Variants in SCFD2 observed in about 807,000 individuals in gnomAD.
SCFD2 encodes the protein sec1 family domain containing 2, also known as sec1 family domain-containing protein 2.
SCFD2 carries 54 observed loss-of-function variants against 58.9 expected under a neutral mutation model. The ratio of observed to expected loss-of-function variants is 0.92; its 90% CI spans 0.74 to 1.15. SCFD2 has a LOEUF of 1.15. SCFD2 is among the 50% of genes most tolerant of loss of function. The pLI, the probability that SCFD2 is intolerant of heterozygous loss-of-function variation, is 0.00. For missense variants in SCFD2, 805 were observed against 836.6 expected, an observed-to-expected ratio of 0.96 and a Z score of 0.47; for synonymous variants, 321 against 335.9, an observed-to-expected ratio of 0.96 and a Z score of 0.49.
At chr4:52,904,280 G>A (rs1180090822) in intron 7 of SCFD2, among the ~76,000 whole-genome samples, 2 of 152,212 alleles carry the variant, frequency 1.3e-5, no homozygotes, top group African/African-American at 2.4e-5. Flanking sequence ...CTGAGCACAG[G>A]AAGGATTCCG....
chr4:52,951,096 C>T (rs1477733861), intron 5 of SCFD2: 2 of 152,128 alleles, frequency 1.3e-5, no homozygotes, highest in Non-Finnish European at 2.9e-5. Flanking sequence ...AAAATCAACC[C>T]ATAATAGATG....
intron 4 of SCFD2, among the ~76,000 whole-genome samples, chr4:53,215,751 T>A (rs1728803591): frequency 1.3e-5 from 2 of 152,180 alleles, no homozygotes; most frequent in Admixed American, 6.5e-5. Context: ...CTTCCAGTTT[T>A]TGCCCATTCA....
chr4:53,244,197 A>G (rs1283666076), intron 4 of SCFD2, among the ~76,000 whole-genome samples: 1 of 152,110 alleles, frequency 6.6e-6, no homozygotes, highest in Non-Finnish European at 1.5e-5. Context: ...GAAATTAACA[A>G]AGATATTCAG....
rs964227664 is a variant in SCFD2, at chr4:53,177,526, T to A, written c.1312-31944A>T. ...AACAATAAGAAATGAAAAGGAGGACTGGGAGAGGAGCCAAGATGGTCGAAT... is the reference window on the plus strand; with the variant it reads ...AACAATAAGAAATGAAAAGGAGGACAGGGAGAGGAGCCAAGATGGTCGAAT... On this transcript the variant is annotated intron_variant, in intron 4 of 8. Transcript: ENST00000401642. Among the ~76,000 whole-genome samples the A allele has an allele frequency of 2.0e-5, 3 of 152,084 alleles. No homozygotes were observed. In the East Asian group the frequency reaches 5.8e-4, roughly 29 times the overall value.
rs1421668014 is a variant in SCFD2, at chr4:52,873,066, G to A, written c.*903C>T. On this transcript the variant is annotated 3_prime_UTR_variant, in exon 9 of 9. Transcript: ENST00000401642. ...CCTACAAACATGTGGGTTGCAAGTG[G>A]TTCGTTTTTGCCCTGGAGTTCTTAC... is the stretch of plus-strand genomic sequence containing the variant. 6.6e-6 allele frequency: 1 copy of A among 152,208 alleles called. No homozygotes were observed. Among genetic ancestry groups the A allele is most frequent in the Admixed American group, 6.5e-5 (1 of 15,282 alleles). 9.4% of individuals were successfully genotyped at this position (152,208 alleles called of 1,614,324 possible).
At chr4:53,039,986 G>A (rs73141448) in intron 5 of SCFD2, among the ~76,000 whole-genome samples, 3 of 152,100 alleles carry the variant, frequency 2.0e-5, no homozygotes, top group Non-Finnish European at 4.4e-5. Context: ...TCTTGAACTG[G>A]TAATTACATG....
At chr4:53,056,318 G>A (rs567734227) in intron 5 of SCFD2, among the ~76,000 whole-genome samples, 164 of 152,222 alleles carry the variant, frequency 1.1e-3, no homozygotes, top group African/African-American at 3.7e-3. Flanking sequence ...GGACCCGGGG[G>A]AATGTCCATT....
intron 5 of SCFD2, among the ~76,000 whole-genome samples, chr4:53,058,214 T>G (rs1193458927): frequency 6.6e-6 from 1 of 152,176 alleles, no homozygotes; most frequent in Non-Finnish European, 1.5e-5. Flanking sequence ...GAGATTATTA[T>G]TAATGTTTTG....
At chr4:52,969,536 G>C (rs1442100138) in intron 5 of SCFD2, among the ~76,000 whole-genome samples, 1 of 152,184 alleles carries the variant, frequency 6.6e-6, no homozygotes, top group African/African-American at 2.4e-5. Context: ...AAGTTGGCTT[G>C]GCCATGTGAT....
chr4:53,167,214 G>C (rs1161014259), intron 4 of SCFD2, among the ~76,000 whole-genome samples: 1 of 152,142 alleles, frequency 6.6e-6, no homozygotes, highest in Non-Finnish European at 1.5e-5. Context: ...AGACACAGAT[G>C]CTCCCTACTG....
intron 4 of SCFD2, among the ~76,000 whole-genome samples, chr4:53,261,641 CATAT>C (rs1730832125): frequency 6.6e-6 from 1 of 152,088 alleles, no homozygotes; most frequent in Non-Finnish European, 1.5e-5. Flanking sequence ...TGTGGCCTAT[CATAT>C]AGTCTATCTT....
chr4:53,332,082 A>G (rs1733495840), intron 2 of SCFD2, among the ~76,000 whole-genome samples: 1 of 152,072 alleles, frequency 6.6e-6, no homozygotes, highest in Non-Finnish European at 1.5e-5. Context: ...CAATAACCGG[A>G]GCTGAAATTG....
intron 3 of SCFD2, among the ~76,000 whole-genome samples, chr4:53,291,666 A>G (rs1731844101): frequency 6.6e-6 from 1 of 152,164 alleles, no homozygotes; most frequent in Non-Finnish European, 1.5e-5. Flanking sequence ...GAGCCCATAT[A>G]GCCAAGACAA....
chr4:52,971,795 C>CCAT (rs1486591721), intron 5 of SCFD2, among the ~76,000 whole-genome samples: 1 of 152,104 alleles, frequency 6.6e-6, no homozygotes, highest in African/African-American at 2.4e-5. Flanking sequence ...AAAGGGAAGC[C>CCAT]CATCAGACTA....
intron 5 of SCFD2, among the ~76,000 whole-genome samples, chr4:52,941,856 T>C (rs1166275912): frequency 6.6e-6 from 1 of 152,196 alleles, no homozygotes; most frequent in African/African-American, 2.4e-5. Context: ...TAAGATGTTT[T>C]GATTTGGGTT....
intron 1 of SCFD2, among the ~76,000 whole-genome samples, chr4:53,360,103 C>T (rs1212107725): frequency 2.0e-5 from 3 of 152,210 alleles, no homozygotes; most frequent in Non-Finnish European, 4.4e-5. Context: ...CTCACTAATA[C>T]AGAAGTACTT....
At chr4:53,185,257 T>C (rs1262334542) in intron 4 of SCFD2, among the ~76,000 whole-genome samples, 2 of 152,098 alleles carry the variant, frequency 1.3e-5, no homozygotes. Context: ...CCTTAGGTTG[T>C]AGTAAACCAT....
At chr4:52,874,833 T>G (rs1718434449) in intron 8 of SCFD2, among the ~76,000 whole-genome samples, 1 of 152,154 alleles carries the variant, frequency 6.6e-6, no homozygotes, top group African/African-American at 2.4e-5. Context: ...CTATTTCCAG[T>G]AAGGTCATAT....
At chr4:52,998,276 G>C (rs1455583109) in intron 5 of SCFD2, among the ~76,000 whole-genome samples, 1 of 152,224 alleles carries the variant, frequency 6.6e-6, no homozygotes. Context: ...CTGCAAGGCT[G>C]AAGTGTGAGG....
Sources: allele counts gnomAD v4.1 joint callset (sites outside exome capture counted in the v4.1 genomes callset), GRCh38; gene constraint gnomAD v4.1.1; transcripts MANE v1.5; gene names NCBI Gene and HGNC (gene_info 2026-07-23, HGNC 2026-07-21).